PTPRD: variants seen among roughly 807,000 people sequenced by gnomAD.
PTPRD encodes the protein receptor-type tyrosine-protein phosphatase delta.
In PTPRD, 34 loss-of-function variants were observed where a neutral mutation model predicts 214.5. That is an observed-to-expected ratio of 0.16 (90% CI 0.12 to 0.21). The LOEUF (loss-of-function observed/expected upper bound fraction) is 0.21, where lower values mean the gene tolerates loss of function less well. PTPRD is among the 10% of genes least tolerant of loss of function. The pLI is 1.00. For missense variants in PTPRD, 2,545 were observed against 2,398.7 expected (o/e 1.06, Z -1.27); for synonymous variants, 1,128 against 845.7 (o/e 1.33, Z -5.79).
chr9:9,490,804 G>C lies in PTPRD; in HGVS notation c.-237+83928C>G, dbSNP rs115098897. Among the ~76,000 whole-genome samples the C allele has an allele frequency of 4.0e-3, 605 of 151,932 alleles. 1 individual carries two copies. Among genetic ancestry groups the C allele is most frequent in the African/African-American group, 0.014 (566 of 41,506 alleles). ...AAAGGAAGACAGTGATGCAGGAAAT[G>C]AGGGACAAGAAAAACTATGACACTT... On this transcript the variant is annotated intron_variant, in intron 8 of 45. Coordinates refer to ENST00000381196, the MANE Select transcript of PTPRD (RefSeq NM_002839.4).
intron 43 of PTPRD, among the ~76,000 whole-genome samples, chr9:8,337,673 G>A (rs1564063093): frequency 6.6e-6 from 1 of 151,522 alleles, no homozygotes; most frequent in Non-Finnish European, 1.5e-5. Context: ...AAAAAAAAAA[G>A]GTGAGCAACT....
chr9:10,235,424 A>G (rs757448181), intron 3 of PTPRD, among the ~76,000 whole-genome samples: 2 of 151,980 alleles, frequency 1.3e-5, no homozygotes, highest in South Asian at 4.1e-4. Context: ...TCAGGACGCT[A>G]AAGAGTATAG....
intron 9 of PTPRD, among the ~76,000 whole-genome samples, chr9:9,276,434 A>G (rs1945671493): frequency 6.6e-6 from 1 of 151,318 alleles, no homozygotes; most frequent in Non-Finnish European, 1.5e-5. Flanking sequence ...TGTTTTGGTA[A>G]TGGGCAAGGT....
intron 4 of PTPRD, among the ~76,000 whole-genome samples, chr9:10,030,384 T>G (rs2097034258): frequency 6.6e-6 from 1 of 152,210 alleles, no homozygotes; most frequent in South Asian, 2.1e-4. Context: ...TCACATATTT[T>G]AAGGTAAGCA....
At chr9:8,672,700 TGAAA>T (rs1434922423) in intron 12 of PTPRD, among the ~76,000 whole-genome samples, 4 of 152,144 alleles carry the variant, frequency 2.6e-5, no homozygotes, top group African/African-American at 4.8e-5. Context: ...ATACTGTCCC[TGAAA>T]TAGTATTCCT....
intron 11 of PTPRD, chr9:8,860,345 G>C (rs1566680947): frequency 6.6e-6 from 1 of 152,100 alleles, no homozygotes; most frequent in Non-Finnish European, 1.5e-5. Context: ...CAGAAATCAG[G>C]GGATACAGAG....
chr9:9,010,715 T>C (rs975628837), intron 11 of PTPRD, among the ~76,000 whole-genome samples: 1 of 152,152 alleles, frequency 6.6e-6, no homozygotes, highest in East Asian at 1.9e-4. Context: ...GATCCTTTCA[T>C]CTTGTCCATC....
At chr9:10,035,727 C>G (rs2097168485) in intron 3 of PTPRD, among the ~76,000 whole-genome samples, 1 of 151,874 alleles carries the variant, frequency 6.6e-6, no homozygotes, top group African/African-American at 2.4e-5. Context: ...TTCCCCCAAC[C>G]CAAATGTTAT....
At chr9:10,256,328 G>T (rs2093273825) in intron 3 of PTPRD, among the ~76,000 whole-genome samples, 1 of 151,518 alleles carries the variant, frequency 6.6e-6, no homozygotes, top group African/African-American at 2.4e-5. Context: ...TAACACACAT[G>T]CAGCTGTCAC....
chr9:8,720,224 C>G (rs558532029), intron 12 of PTPRD, among the ~76,000 whole-genome samples: 1 of 152,292 alleles, frequency 6.6e-6, no homozygotes, highest in Non-Finnish European at 1.5e-5. Context: ...ACAGCTGCAA[C>G]AGGTGTGGGC....
intron 11 of PTPRD, among the ~76,000 whole-genome samples, chr9:8,934,604 T>C (rs2098983802): frequency 7.0e-6 from 1 of 143,724 alleles, no homozygotes. Flanking sequence ...AATATATCCA[T>C]TACCTCACAT....
chr9:9,120,997 A>G (rs899144201), intron 10 of PTPRD, among the ~76,000 whole-genome samples: 1 of 152,210 alleles, frequency 6.6e-6, no homozygotes, highest in African/African-American at 2.4e-5. Flanking sequence ...ACAATGCTGT[A>G]ATGAAGATAT....
intron 3 of PTPRD, among the ~76,000 whole-genome samples, chr9:10,170,417 C>T (rs561832635): frequency 2.0e-5 from 3 of 152,030 alleles, no homozygotes; most frequent in East Asian, 3.9e-4. Context: ...TTTGGCCAGG[C>T]GTGCAGGCTC....
chr9:8,843,246 A>ACAAAAT (rs1163727950), intron 11 of PTPRD, among the ~76,000 whole-genome samples: 1 of 152,232 alleles, frequency 6.6e-6, no homozygotes, highest in East Asian at 1.9e-4. Flanking sequence ...TCGGGCTGGT[A>ACAAAAT]CAAAATCAAA....
Position 9,627,622 on chromosome 9 carries a change from C to G in PTPRD, c.-286-52841G>C, listed in dbSNP as rs1486767017. ...CAAATAACACTTAAATTGCTTTGCACAATTGTTGAATAGCTGAATTCTTCC... is the reference window on the plus strand; with the variant it reads ...CAAATAACACTTAAATTGCTTTGCAGAATTGTTGAATAGCTGAATTCTTCC... On this transcript the variant is annotated intron_variant, in intron 7 of 45. Coordinates refer to ENST00000381196, the MANE Select transcript of PTPRD (RefSeq NM_002839.4). 2.0e-5 allele frequency among the ~76,000 whole-genome samples: 3 copies of G among 152,150 alleles called. No homozygotes were observed. In the East Asian group the frequency reaches 5.8e-4, roughly 29 times the overall value.
chr9:10,015,881 T>A (rs189909002), intron 4 of PTPRD, among the ~76,000 whole-genome samples: 1 of 151,722 alleles, frequency 6.6e-6, no homozygotes, highest in Non-Finnish European at 1.5e-5. Context: ...AGGATCACAT[T>A]GAGAAGTACT....
At chr9:9,483,728 C>T (rs923851271) in intron 8 of PTPRD, among the ~76,000 whole-genome samples, 3 of 151,552 alleles carry the variant, frequency 2.0e-5, no homozygotes, top group African/African-American at 7.3e-5. Flanking sequence ...ATAAGTAACT[C>T]ATTTCCTGGG....
chr9:8,824,617 C>T (rs930124450), intron 11 of PTPRD, among the ~76,000 whole-genome samples: 20 of 151,834 alleles, frequency 1.3e-4, no homozygotes, highest in Admixed American at 3.3e-4. Context: ...TTTAAGTAAA[C>T]TAAATTAGAA....
intron 4 of PTPRD, among the ~76,000 whole-genome samples, chr9:9,943,015 C>G (rs1420152601): frequency 6.6e-6 from 1 of 151,798 alleles, no homozygotes; most frequent in Non-Finnish European, 1.5e-5. Flanking sequence ...ATTGCATCTT[C>G]CCTGCACTAA....
Sources: allele counts gnomAD v4.1 joint callset (sites outside exome capture counted in the v4.1 genomes callset), GRCh38; gene constraint gnomAD v4.1.1; transcripts MANE v1.5; gene names NCBI Gene and HGNC (gene_info 2026-07-23, HGNC 2026-07-21).